ZC3H8: variants seen among roughly 807,000 people sequenced by gnomAD.
ZC3H8 encodes zinc finger CCCH-type containing 8.
Under a neutral mutation model 42.5 loss-of-function variants are expected in ZC3H8, and 27 were observed. The ratio of observed to expected loss-of-function variants is 0.64; its 90% CI spans 0.47 to 0.88. The LOEUF (loss-of-function observed/expected upper bound fraction) is 0.88. Ranked by LOEUF, ZC3H8 falls within the 40% of genes least tolerant of loss-of-function variation. ZC3H8 has a pLI of 0.00. For missense variants in ZC3H8, 277 were observed against 336.1 expected (o/e 0.82, Z 1.37); for synonymous variants, 101 against 110.1 (o/e 0.92, Z 0.52).
At chr2:112,229,675 T>A (rs897418413) in intron 8 of ZC3H8, among the ~76,000 whole-genome samples, 4 of 152,180 alleles carry the variant, frequency 2.6e-5, no homozygotes, top group African/African-American at 9.7e-5. Context: ...AATCTATATA[T>A]GCATAAAAAA....
chr2:112,238,455 C>CTA lies in ZC3H8; in HGVS notation c.228_229dup (p.Ser77IlefsTer43), dbSNP rs1202047198. On this transcript the variant is annotated frameshift_variant, in exon 3 of 9. Transcript: ENST00000409573. LOFTEE classifies it high-confidence loss of function. Reference sequence around the variant, plus strand: ...TTCCTGACTGCAGATATCATTATCACTATATACATCATAGTCCTTACTTCT... The same window carrying CTA: ...TTCCTGACTGCAGATATCATTATCACTATATATACATCATAGTCCTTACTTCT... The CTA allele has an allele frequency of 1.2e-6, 2 of 1,613,400 alleles. No homozygotes were observed. Among genetic ancestry groups the CTA allele is most frequent in the East Asian group, 4.5e-5 (2 of 44,864 alleles).
intron 8 of ZC3H8, among the ~76,000 whole-genome samples, chr2:112,228,890 CA>C (rs1684968939): frequency 6.6e-6 from 1 of 151,068 alleles, no homozygotes; most frequent in Non-Finnish European, 1.5e-5. Flanking sequence ...AATAAGAAAA[CA>C]ATCTAATTTT....
intron 2 of ZC3H8, among the ~76,000 whole-genome samples, chr2:112,244,114 T>C (rs1270000686): frequency 2.0e-5 from 3 of 151,842 alleles, no homozygotes; most frequent in Non-Finnish European, 4.4e-5. Flanking sequence ...TGAAAAAAGA[T>C]TCACAATCGC....
intron 8 of ZC3H8, among the ~76,000 whole-genome samples, chr2:112,224,088 G>GAGAT (rs910384348): frequency 2.6e-5 from 4 of 152,134 alleles, no homozygotes; most frequent in African/African-American, 7.2e-5. Flanking sequence ...GTGGTGAGCT[G>GAGAT]AGATAGATAA....
Position 112,231,945 on chromosome 2 carries a change from C to G in ZC3H8, c.736G>C (p.Glu246Gln), listed in dbSNP as rs915960186. The change falls in exon 7 of 9, where the codon GAA becomes CAA. Residue 246 changes from glutamate to glutamine, a missense_variant and splice_region_variant. By Grantham distance (29) the Glu-to-Gln change is conservative. Coordinates refer to ENST00000409573, the MANE Select transcript of ZC3H8 (RefSeq NM_032494.3). ...RGENCLYLHN[E>Q]YPCKFYHTGT... ...GTATGGTAAAACTTACAAGGATATTCATGTAACCCAAGTGTTAAGGAAGAG... is the reference window on the plus strand; with the variant it reads ...GTATGGTAAAACTTACAAGGATATTGATGTAACCCAAGTGTTAAGGAAGAG... 1 of 1,509,500 alleles carries G rather than the reference C, an allele frequency of 6.6e-7. No homozygotes were observed. The highest frequency in any genetic ancestry group is 1.4e-5 in the African/African-American group (1 of 72,422). 93.5% of individuals were successfully genotyped at this position (1,509,500 alleles called of 1,614,324 possible).
At chr2:112,253,205 CTTCA>C (rs1200316470) in intron 1 of ZC3H8, among the ~76,000 whole-genome samples, 1 of 152,082 alleles carries the variant, frequency 6.6e-6, no homozygotes, top group Non-Finnish European at 1.5e-5. Context: ...TCCCCTTACC[CTTCA>C]TTCATTTTCT....
intron 2 of ZC3H8, among the ~76,000 whole-genome samples, chr2:112,243,262 C>T (rs1685644553): frequency 1.3e-5 from 2 of 152,200 alleles, no homozygotes; most frequent in East Asian, 1.9e-4. Flanking sequence ...ATCCATTTAA[C>T]TATGCAACTG....
chr2:112,243,731 C>A (rs1029264680), intron 2 of ZC3H8, among the ~76,000 whole-genome samples: 1 of 152,022 alleles, frequency 6.6e-6, no homozygotes, highest in African/African-American at 2.4e-5. Flanking sequence ...TTGCTTCTTG[C>A]CTTAAAAACC....
chr2:112,234,796 T>C (rs974642382), intron 4 of ZC3H8, among the ~76,000 whole-genome samples: 3 of 150,944 alleles, frequency 2.0e-5, no homozygotes, highest in Non-Finnish European at 4.4e-5. Flanking sequence ...CGAGACTCCA[T>C]CTCAGGGAGA....
chr2:112,230,794 C>T (rs1420645680), intron 8 of ZC3H8, 109 bp downstream of exon 8: 12 of 630,224 alleles, frequency 1.9e-5, no homozygotes, highest in Middle Eastern at 3.4e-4. Flanking sequence ...TTTTTAGTGG[C>T]GGAGGAAGAA....
At chr2:112,240,880 CTTTT>C (rs1393003876) in intron 2 of ZC3H8, among the ~76,000 whole-genome samples, 1 of 151,444 alleles carries the variant, frequency 6.6e-6, no homozygotes, top group Non-Finnish European at 1.5e-5. Context: ...GTCTAAATAA[CTTTT>C]TTTATTCAAG....
intron 8 of ZC3H8, among the ~76,000 whole-genome samples, chr2:112,227,663 T>G (rs1004126863): frequency 6.6e-6 from 1 of 152,184 alleles, no homozygotes; most frequent in African/African-American, 2.4e-5. Flanking sequence ...AGAAATAAAT[T>G]CTATTTCTAC....
intron 8 of ZC3H8, among the ~76,000 whole-genome samples, chr2:112,221,806 A>G (rs1170619532): frequency 2.0e-5 from 3 of 152,070 alleles, no homozygotes; most frequent in Admixed American, 1.3e-4. Context: ...TGGGTTGACT[A>G]TCTCCTGTAT....
At chr2:112,221,026 T>C (rs547351338) in intron 8 of ZC3H8, among the ~76,000 whole-genome samples, 1 of 152,344 alleles carries the variant, frequency 6.6e-6, no homozygotes, top group Admixed American at 6.5e-5. Context: ...GAAATTTTCA[T>C]GGACAATATC....
intron 7 of ZC3H8, 67 bp from the exon 8 acceptor site, chr2:112,231,017 AT>A: frequency 1.0e-6 from 1 of 979,320 alleles, no homozygotes; most frequent in Non-Finnish European, 1.3e-6. Flanking sequence ...ATACTGTCAT[AT>A]TCATAACTTT....
rs1367663933 is a variant in ZC3H8, at chr2:112,245,322, T to C, written c.156+4869A>G. Among the ~76,000 whole-genome samples, 3 of 152,224 alleles carry C rather than the reference T, an allele frequency of 2.0e-5. No homozygotes were observed. The South Asian group carries it at 6.2e-4, about 31-fold the overall frequency. On this transcript the variant is annotated intron_variant, in intron 2 of 8. Transcript: ENST00000409573. ...GTCTGAAGTTAGCAGAGGTTGGTTCTTGAGGTTTATGGATAGACGATGTCT... is the reference window on the plus strand; with the variant it reads ...GTCTGAAGTTAGCAGAGGTTGGTTCCTGAGGTTTATGGATAGACGATGTCT...
intron 1 of ZC3H8, among the ~76,000 whole-genome samples, chr2:112,254,429 C>T (rs1686056488): frequency 6.6e-6 from 1 of 152,200 alleles, no homozygotes; most frequent in African/African-American, 2.4e-5. Context: ...AGAGTATTGC[C>T]TATTCTTTAC....
At chr2:112,230,325 G>A (rs931095601) in intron 8 of ZC3H8, among the ~76,000 whole-genome samples, 1 of 152,168 alleles carries the variant, frequency 6.6e-6, no homozygotes, top group African/African-American at 2.4e-5. Context: ...TAAATTTTAT[G>A]ATGATATGAT....
chr2:112,222,324 G>A (rs1292787522), intron 8 of ZC3H8, among the ~76,000 whole-genome samples: 1 of 152,158 alleles, frequency 6.6e-6, no homozygotes, highest in Non-Finnish European at 1.5e-5. Context: ...AGTTCAGGTA[G>A]AAGTGGGACC....
Sources: allele counts gnomAD v4.1 joint callset (sites outside exome capture counted in the v4.1 genomes callset), GRCh38; gene constraint gnomAD v4.1.1; transcripts MANE v1.5; gene names NCBI Gene and HGNC (gene_info 2026-07-23, HGNC 2026-07-21).